The following GLB1L2 variants were observed in gnomAD, a reference collection of about 807,000 sequenced individuals.
GLB1L2 encodes the protein galactosidase beta 1 like 2.
Under a neutral mutation model 84.1 loss-of-function variants are expected in GLB1L2, and 68 were observed. That is an observed-to-expected ratio of 0.81 (90% CI 0.67 to 0.99). The LOEUF (loss-of-function observed/expected upper bound fraction) is 0.99, where lower values mean the gene tolerates loss of function less well. Ranked by LOEUF, GLB1L2 falls within the 50% of genes least tolerant of loss-of-function variation. GLB1L2 has a pLI of 0.00. For missense variants in GLB1L2, 762 were observed against 805.6 expected (o/e 0.95, Z 0.66); for synonymous variants, 290 against 318.0 (o/e 0.91, Z 0.94).
intron 6 of GLB1L2, among the ~76,000 whole-genome samples, chr11:134,358,591 C>A (rs1943738421): frequency 1.3e-5 from 2 of 152,270 alleles, no homozygotes; most frequent in African/African-American, 4.8e-5. Context: ...CTGGGCCTTG[C>A]CATCCCCCAA....
chr11:134,344,256 T>A, intron 2 of GLB1L2, 131 bp from the exon 3 acceptor site: 1 of 1,128,112 alleles, frequency 8.9e-7, no homozygotes, highest in African/African-American at 1.5e-5. Context: ...TAGTTCTTGG[T>A]TCCAGTCCTA....
rs1943416882 is a variant in GLB1L2, at chr11:134,338,376, GA to G, written c.87-4377del. Among the ~76,000 whole-genome samples, 1 of 152,176 alleles carries G rather than the reference GA, an allele frequency of 6.6e-6. No homozygotes were observed. The highest frequency in any genetic ancestry group is 1.5e-5 in the Non-Finnish European group (1 of 68,036). On this transcript the variant is annotated intron_variant, in intron 1 of 18. Transcript: ENST00000535456. This position sits in a 1 kb window ranked among gnomAD's most constrained non-coding sequence, Gnocchi z 6.2. ...AGGAGATCCTTTCTGGTGGTGACAG[GA>G]TCTGGCTCACCTCCCACCCAGCCGC...
chr11:134,364,559 C>T (rs1943840992), intron 8 of GLB1L2, 161 bp downstream of exon 8: 1 of 628,546 alleles, frequency 1.6e-6, no homozygotes, highest in South Asian at 1.9e-5. Context: ...GCAAGGCCCG[C>T]TGCCCAGAAA....
At chr11:134,332,775 ATGT>A (rs933512925) in intron 1 of GLB1L2, among the ~76,000 whole-genome samples, 1 of 152,028 alleles carries the variant, frequency 6.6e-6, no homozygotes, top group African/African-American at 2.4e-5. Flanking sequence ...CCTTTTCCAA[ATGT>A]TGTTTATGGC....
At chr11:134,353,436 G>C (rs1019371504) in intron 5 of GLB1L2, among the ~76,000 whole-genome samples, 2 of 152,038 alleles carry the variant, frequency 1.3e-5, no homozygotes, top group Non-Finnish European at 2.9e-5. Context: ...ATTTATTAAG[G>C]CTTGTTTTTT....
At chr11:134,374,530 A>C in intron 17 of GLB1L2, 72 bp from the exon 18 acceptor site, 1 of 1,191,314 alleles carries the variant, frequency 8.4e-7, no homozygotes, top group Admixed American at 1.7e-5. Context: ...TGAGAGAAGC[A>C]CGCATGCATG....
Position 134,370,311 on chromosome 11 carries a change from C to T in GLB1L2, c.1127C>T (p.Pro376Leu), listed in dbSNP as rs759013853. 19 of 1,613,874 alleles carry T rather than the reference C, an allele frequency of 1.2e-5. No individual in the cohort carries two copies. The highest frequency in any genetic ancestry group is 1.5e-5 in the Non-Finnish European group (18 of 1,179,908). Residue 376 changes from proline (P) to leucine (L), a missense_variant, in exon 12 of 19, where the codon CCA (proline) becomes CTA (leucine). Pro to Leu is a moderately conservative substitution (Grantham distance 98). Around this residue, in one of 3 missense-constraint regions of GLB1L2, gnomAD observed 603 missense variants for 611.7 expected, o/e 0.99. Coordinates refer to ENST00000535456, the MANE Select transcript of GLB1L2 (RefSeq NM_001370461.1). This position sits in a 1 kb window ranked among gnomAD's most constrained non-coding sequence, Gnocchi z 4.7. ...GSISGIPLPPPPDLLPKMPYE... is the reference protein window; with the variant it reads ...GSISGIPLPPLPDLLPKMPYE... ...GTTGCAGGCATCCCTCTCCCTCCCC[C>T]ACCTGACCTTCTTCCCAAGATGCCG...
At position 134,369,903 on chromosome 11, in the gene GLB1L2, G is replaced by C. The variant is rs1198423807; in HGVS notation, c.1108+18G>C. 10 of 1,609,162 alleles carry C rather than the reference G, an allele frequency of 6.2e-6. No homozygotes were observed. Among genetic ancestry groups the C allele is most frequent in the Admixed American group, 1.7e-5 (1 of 59,912 alleles). ...CATCTCAGGTACCCAGCAGACAGCA[G>C]ACTCAAGTTCCAACTCAGGCCCTCG... is the stretch of plus-strand genomic sequence containing the variant. On this transcript the variant is annotated intron_variant, in intron 11 of 18. Transcript: ENST00000535456.
At chr11:134,356,219 T>A (rs1943699034) in intron 5 of GLB1L2, 82 bp from the exon 6 acceptor site, 1 of 1,027,550 alleles carries the variant, frequency 9.7e-7, no homozygotes, top group East Asian at 2.4e-5. Flanking sequence ...CTTTTGCTAG[T>A]CACTGGTGAT....
At chr11:134,356,270 C>T in intron 5 of GLB1L2, 31 bp from the exon 6 acceptor site, 2 of 1,575,138 alleles carry the variant, frequency 1.3e-6, no homozygotes, top group Non-Finnish European at 1.7e-6. Flanking sequence ...CCTGCACACT[C>T]AGCTCCTGGT....
In GLB1L2 at chr11:134,374,037, CG is replaced by C. The variant is rs140561812; in HGVS notation, c.1596-102del. ...GCCATTCTGTGTCCTGGTTAAGAGG[CG>C]GGGGGCCTTGGATGGGGAAACGGTG... On this transcript the variant is annotated intron_variant, in intron 16 of 18. Transcript: ENST00000535456. The C allele has an allele frequency of 1.1e-5, 9 of 844,792 alleles. No homozygotes were observed. In the East Asian group the frequency reaches 1.9e-4, roughly 18 times the overall value. 52.3% of individuals were successfully genotyped at this position (844,792 alleles called of 1,614,324 possible).
At chr11:134,373,851 G>A in intron 16 of GLB1L2, 43 bp downstream of exon 16, 1 of 1,363,004 alleles carries the variant, frequency 7.3e-7, no homozygotes, top group Non-Finnish European at 1.0e-6. Context: ...CACAGGTATA[G>A]TGCTGTGTGG....
At chr11:134,371,911 C>T (rs1943959064) in intron 15 of GLB1L2, 81 bp downstream of exon 15, 1 of 1,396,106 alleles carries the variant, frequency 7.2e-7, no homozygotes, top group African/African-American at 1.4e-5. Context: ...TAGCAGGCCA[C>T]CAGGCCATGG....
chr11:134,362,373 G>T (rs936376639), intron 7 of GLB1L2, among the ~76,000 whole-genome samples: 1 of 152,104 alleles, frequency 6.6e-6, no homozygotes, highest in African/African-American at 2.4e-5. Flanking sequence ...TTTTTCTGCT[G>T]GCTGTTCCAC....
chr11:134,371,649 A>C (rs1281330203), intron 14 of GLB1L2, 103 bp from the exon 15 acceptor site: 1 of 1,205,002 alleles, frequency 8.3e-7, no homozygotes, highest in African/African-American at 1.5e-5. Context: ...TGGGATGTAC[A>C]CTCCCATCCC....
rs1005945555 is a variant in GLB1L2 at position 134,338,117 on chromosome 11, C to T, written c.87-4637C>T. ...GTCTCCACCGGCGGTCATCGTACTCCGGATGTTCACGGCACTCCGGATGTT... is the reference window on the plus strand; with the variant it reads ...GTCTCCACCGGCGGTCATCGTACTCTGGATGTTCACGGCACTCCGGATGTT... On this transcript the variant is annotated intron_variant, in intron 1 of 18. Coordinates refer to ENST00000535456, the MANE Select transcript of GLB1L2 (RefSeq NM_001370461.1). This position sits in a 1 kb window ranked among gnomAD's most constrained non-coding sequence, Gnocchi z 6.2. Among the ~76,000 whole-genome samples, 14 of 148,156 alleles carry T rather than the reference C, an allele frequency of 9.4e-5. No individual in the cohort carries two copies. Among genetic ancestry groups the T allele is most frequent in the East Asian group, 1.9e-4 (1 of 5,174 alleles).
intron 5 of GLB1L2, among the ~76,000 whole-genome samples, chr11:134,351,914 C>A (rs1395527404): frequency 6.6e-6 from 1 of 151,980 alleles, no homozygotes; most frequent in Non-Finnish European, 1.5e-5. Flanking sequence ...TTAAGAAATT[C>A]CCAAAGAAAA....
chr11:134,369,793 G>C lies in GLB1L2; in HGVS notation c.1028-12G>C, dbSNP rs562526229. ...GACAGGAATGACCATGACAGGGCCC[G>C]GTGTCTTGCAGACTATGATGCTGTG... On this transcript the variant is annotated splice_polypyrimidine_tract_variant and intron_variant, in intron 10 of 18. Coordinates refer to ENST00000535456, the MANE Select transcript of GLB1L2 (RefSeq NM_001370461.1). 4 of 1,605,900 alleles carry C rather than the reference G, an allele frequency of 2.5e-6. No individual in the cohort carries two copies. The African/African-American group carries it at 5.3e-5, about 21-fold the overall frequency.
At chr11:134,341,173 G>A (rs763030670) in intron 1 of GLB1L2, among the ~76,000 whole-genome samples, 172 of 152,344 alleles carry the variant, frequency 1.1e-3, no homozygotes, top group Admixed American at 2.1e-3. Context: ...AAAAAGTGTG[G>A]TGAATAGGTT....
Sources: allele counts gnomAD v4.1 joint callset (sites outside exome capture counted in the v4.1 genomes callset), GRCh38; gene constraint gnomAD v4.1.1; regional missense constraint gnomAD v4.1.1; non-coding constraint Gnocchi (gnomAD v3.1); transcripts MANE v1.5; gene names NCBI Gene and HGNC (gene_info 2026-07-23, HGNC 2026-07-21).